The following TENT4B variants were observed in gnomAD, a reference collection of about 807,000 sequenced individuals.
TENT4B encodes terminal nucleotidyltransferase 4B.
A neutral mutation model predicts 75.0 loss-of-function variants in TENT4B; 10 were observed. That is an observed-to-expected ratio of 0.13 (90% CI 0.08 to 0.23). The LOEUF (loss-of-function observed/expected upper bound fraction) is 0.23. TENT4B is among the 10% of genes least tolerant of loss of function. The probability of loss-of-function intolerance (pLI) is 1.00; values close to 1 mark genes in which losing one functional copy is unlikely to be tolerated. For missense variants in TENT4B, 579 were observed against 893.8 expected, an observed-to-expected ratio of 0.65 and a Z score of 4.49; for synonymous variants, 350 against 357.7, an observed-to-expected ratio of 0.98 and a Z score of 0.24.
At chr16:50,160,655 G>A (rs2037987300) in intron 1 of TENT4B, among the ~76,000 whole-genome samples, 1 of 152,230 alleles carries the variant, frequency 6.6e-6, no homozygotes, top group Non-Finnish European at 1.5e-5. Context: ...GTTCTCACTT[G>A]TTCTCAGATA....
At chr16:50,171,547 A>G (rs78817312) in intron 1 of TENT4B, among the ~76,000 whole-genome samples, 9 of 152,242 alleles carry the variant, frequency 5.9e-5, no homozygotes, top group East Asian at 1.9e-4. Flanking sequence ...GGATTTTTCT[A>G]TTTAGAAGCT....
chr16:50,182,096 G>A (rs571184421), intron 1 of TENT4B, among the ~76,000 whole-genome samples: 1 of 152,222 alleles, frequency 6.6e-6, no homozygotes, highest in Admixed American at 6.5e-5. Flanking sequence ...GTGAAACCCT[G>A]TCTCTACCAA....
intron 1 of TENT4B, among the ~76,000 whole-genome samples, chr16:50,206,281 T>TATGA (rs1273518150): frequency 1.3e-5 from 2 of 151,892 alleles, no homozygotes; most frequent in Non-Finnish European, 2.9e-5. Context: ...CCCACATGCA[T>TATGA]ATGAATGCCT....
At position 50,233,369 on chromosome 16, in the gene TENT4B, A is replaced by G; in HGVS notation, c.*4041A>G. 6 of 985,374 alleles carry G rather than the reference A, an allele frequency of 6.1e-6. No homozygotes were observed. The highest frequency in any genetic ancestry group is 7.2e-6 in the Non-Finnish European group (6 of 829,856). The allele number at this position is 985,374 out of a possible 1,614,324, so 61.0% of individuals were successfully genotyped here. On this transcript the variant is annotated 3_prime_UTR_variant, in exon 12 of 12. Transcript: ENST00000561678. ...ATCAAATTTTAATATGCTTCTCGAT[A>G]TTTAACATAGCTAAGAAGCCAGATT...
At chr16:50,172,131 G>A (rs1293405544) in intron 1 of TENT4B, among the ~76,000 whole-genome samples, 2 of 152,146 alleles carry the variant, frequency 1.3e-5, no homozygotes, top group Non-Finnish European at 2.9e-5. Context: ...AGGCAGATCA[G>A]TTGAAGCCAG....
chr16:50,171,325 T>G (rs1030445497), intron 1 of TENT4B, among the ~76,000 whole-genome samples: 6 of 152,014 alleles, frequency 3.9e-5, no homozygotes, highest in Non-Finnish European at 5.9e-5. Flanking sequence ...CGCTTGAGCC[T>G]AGGAAGTTGA....
chr16:50,225,055 T>A (rs911536313), intron 9 of TENT4B, 43 bp from the exon 10 acceptor site: 2 of 1,608,416 alleles, frequency 1.2e-6, no homozygotes, highest in Non-Finnish European at 8.5e-7. Flanking sequence ...TTGTGTGCGT[T>A]TAATGGGAAG....
At chr16:50,194,255 G>A (rs1325451003) in intron 1 of TENT4B, among the ~76,000 whole-genome samples, 3 of 130,774 alleles carry the variant, frequency 2.3e-5, no homozygotes, top group Admixed American at 9.1e-5. Flanking sequence ...TTGCTCTGTC[G>A]CCCAGGCTGG....
At chr16:50,193,063 T>C (rs1294619600) in intron 1 of TENT4B, among the ~76,000 whole-genome samples, 1 of 152,176 alleles carries the variant, frequency 6.6e-6, no homozygotes, top group Non-Finnish European at 1.5e-5. Context: ...AGTGAGACCC[T>C]GTCTCAGTGA....
chr16:50,206,623 G>A (rs190587852), intron 1 of TENT4B, among the ~76,000 whole-genome samples: 8 of 152,106 alleles, frequency 5.3e-5, no homozygotes, highest in East Asian at 3.9e-4. Context: ...TGGATGAGCC[G>A]CAGGGGACGG....
At chr16:50,164,002 A>G (rs1327551144) in intron 1 of TENT4B, among the ~76,000 whole-genome samples, 2 of 151,734 alleles carry the variant, frequency 1.3e-5, no homozygotes, top group African/African-American at 4.8e-5. Context: ...TACTAAAAAT[A>G]CAAAATTAGC....
At position 50,232,229 on chromosome 16, in the gene TENT4B, T is replaced by G. The variant is rs1168885611; in HGVS notation, c.*2901T>G. The stretch of plus-strand genomic sequence containing the variant: ...GTGAAGGTGCCTGGTTTTGAATGTC[T>G]TTGTTTGGTTTGGAGATGTCGCACT... On this transcript the variant is annotated 3_prime_UTR_variant, in exon 12 of 12. Coordinates refer to ENST00000561678, the MANE Select transcript of TENT4B (RefSeq NM_001365324.3). 13 of 985,278 alleles carry G rather than the reference T, an allele frequency of 1.3e-5. No homozygotes were observed. Among genetic ancestry groups the G allele is most frequent in the Admixed American group, 6.1e-5 (1 of 16,262 alleles). The allele number at this position is 985,278 out of a possible 1,614,324, so 61.0% of individuals were successfully genotyped here.
In TENT4B at chr16:50,232,313, C is replaced by T. The variant is rs879755113; in HGVS notation, c.*2985C>T. 1.0e-6 allele frequency: 1 copy of T among 985,238 alleles called. No homozygotes were observed. The highest frequency in any genetic ancestry group is 1.2e-6 in the Non-Finnish European group (1 of 829,932). 61.0% of individuals were successfully genotyped at this position (985,238 alleles called of 1,614,324 possible). A position where few individuals can be genotyped will look rare whatever the true frequency, so the allele number is the denominator to read the frequency against. ...TATGTTTTTTACAAGTAATTGCCCT[C>T]CAGTCTTCAACAGTTGATTCTGTTT... is the stretch of plus-strand genomic sequence containing the variant. On this transcript the variant is annotated 3_prime_UTR_variant, in exon 12 of 12. Coordinates refer to ENST00000561678, the MANE Select transcript of TENT4B (RefSeq NM_001365324.3).
At chr16:50,222,016 TG>T (rs1366095502) in intron 5 of TENT4B, among the ~76,000 whole-genome samples, 1 of 152,092 alleles carries the variant, frequency 6.6e-6, no homozygotes, top group Non-Finnish European at 1.5e-5. Flanking sequence ...CTGCCCGCCT[TG>T]GTCTCCCAAA....
chr16:50,157,411 G>A (rs1167010055), intron 1 of TENT4B, among the ~76,000 whole-genome samples: 1 of 152,098 alleles, frequency 6.6e-6, no homozygotes, highest in East Asian at 1.9e-4. Flanking sequence ...CTTTTATTAT[G>A]TGTTCCCTCT....
chr16:50,156,007 T>C (rs2037892020), intron 1 of TENT4B, among the ~76,000 whole-genome samples: 1 of 152,170 alleles, frequency 6.6e-6, no homozygotes, highest in South Asian at 2.1e-4. Context: ...ATGCAGAAGA[T>C]ACTCTAAAAG....
At chr16:50,155,296 T>TGTGTGTGG (rs1555506884) in intron 1 of TENT4B, among the ~76,000 whole-genome samples, 1 of 151,488 alleles carries the variant, frequency 6.6e-6, no homozygotes, top group Non-Finnish European at 1.5e-5. Flanking sequence ...TGTGTGTGTG[T>TGTGTGTGG]GTGTGTGTGT....
Position 50,231,967 on chromosome 16 carries a change from A to G in TENT4B, c.*2639A>G. ...TATATATTAGAGTCCATTCATATCC[A>G]TGAATCATAACCTTCCTTTGCTAAT... On this transcript the variant is annotated 3_prime_UTR_variant, in exon 12 of 12. Transcript: ENST00000561678. 1.0e-6 allele frequency: 1 copy of G among 983,700 alleles called. No individual in the cohort carries two copies. The highest frequency in any genetic ancestry group is 1.2e-6 in the Non-Finnish European group (1 of 828,370). The allele number at this position is 983,700 out of a possible 1,614,324, so 60.9% of individuals were successfully genotyped here. A position where few individuals can be genotyped will look rare whatever the true frequency, so the allele number is the denominator to read the frequency against.
At chr16:50,192,972 G>T (rs146562755) in intron 1 of TENT4B, among the ~76,000 whole-genome samples, 36 of 152,310 alleles carry the variant, frequency 2.4e-4, no homozygotes, top group Admixed American at 3.3e-4. Flanking sequence ...TACTTGGGAG[G>T]CTGAGGTAGG....
Sources: gnomAD v4.1 joint callset for allele counts (sites outside exome capture counted in the v4.1 genomes callset) on GRCh38, gnomAD v4.1.1 for gene constraint, MANE v1.5 for transcripts, NCBI Gene and HGNC (gene_info 2026-07-23, HGNC 2026-07-21) for gene names.